Variants in PLIN2 observed in about 807,000 individuals in gnomAD.
The protein encoded by PLIN2 is perilipin-2.
PLIN2 carries 33 observed loss-of-function variants against 30.6 expected under a neutral mutation model. The ratio of observed to expected loss-of-function variants is 1.08; its 90% CI spans 0.82 to 1.44. PLIN2 has a LOEUF of 1.44. Among genes scored for constraint, PLIN2 ranks in the 40% most tolerant of loss-of-function variants. The probability of loss-of-function intolerance (pLI) is 0.00; values close to 1 mark genes in which losing one functional copy is unlikely to be tolerated. For synonymous variants in PLIN2, 205 were observed against 201.1 expected (o/e 1.02, Z -0.16); for missense variants, 610 against 531.8 (o/e 1.15, Z -1.45).
chr9:19,125,828 C>T, intron 3 of PLIN2: 1 of 259,592 alleles, frequency 3.9e-6, no homozygotes, highest in Admixed American at 5.0e-5. Context: ...GAGGCTGAGG[C>T]AGGAGAATCA....
At chr9:19,110,414 C>T (rs541392840) in intron 2 of PLIN2, among the ~76,000 whole-genome samples, 1 of 152,244 alleles carries the variant, frequency 6.6e-6, no homozygotes, top group South Asian at 2.1e-4. Context: ...GTGCTTAATG[C>T]CACATAATTG....
At chr9:19,115,310 CT>C (rs796763566), downstream of PLIN2, among the ~76,000 whole-genome samples, 237 of 137,752 alleles carry the variant, frequency 1.7e-3, 1 homozygote, top group Middle Eastern at 7.6e-3. Context: ...ATTTTCTTTT[CT>C]TTTTTTTTTT....
At position 19,121,141 on chromosome 9, in the gene PLIN2, C is replaced by T; in HGVS notation, c.334G>A (p.Val112Met). ...TQIVANAKGA[V>M]TGAKDAVTTT... ...GTCACAGCATCTTTTGCCCCAGTCA[C>T]AGCGCCTTTGGCATTGGCAACAATC... Residue 112 changes from valine to methionine, a missense_variant, in exon 5 of 8, where the codon GTG (valine) becomes ATG (methionine). Transcript: ENST00000276914. 15 of 1,614,122 alleles carry T rather than the reference C, an allele frequency of 9.3e-6. No homozygotes were observed. Among genetic ancestry groups the T allele is most frequent in the Non-Finnish European group, 1.2e-5 (14 of 1,180,012 alleles).
At chr9:19,126,714 T>C (rs1268842239) in intron 1 of PLIN2, among the ~76,000 whole-genome samples, 1 of 152,198 alleles carries the variant, frequency 6.6e-6, no homozygotes, top group Non-Finnish European at 1.5e-5. Context: ...GTTGTTGACA[T>C]ACTTCTCTTG....
Position 19,123,642 on chromosome 9 carries a change from C to T in PLIN2, c.232G>A (p.Val78Ile). 1 of 1,612,866 alleles carries T rather than the reference C, an allele frequency of 6.2e-7. No homozygotes were observed. The highest frequency in any genetic ancestry group is 8.5e-7 in the Non-Finnish European group (1 of 1,179,006). ...CCCTTACAGGCATAGGTATTGGCAACTGCAACTAGAATCACAAATGGGAAA... is the reference window on the plus strand; with the variant it reads ...CCCTTACAGGCATAGGTATTGGCAATTGCAACTAGAATCACAAATGGGAAA... ...IIQKLEPQIAVANTYACKGLD... is the reference protein window; with the variant it reads ...IIQKLEPQIAIANTYACKGLD... The change falls in exon 4 of 8, where the codon GTT becomes ATT. Residue 78 changes from valine (V) to isoleucine (I), a missense_variant. By Grantham distance (29) the Val-to-Ile change is conservative. Transcript: ENST00000276914.
chr9:19,120,895 T>G lies in PLIN2; in HGVS notation c.580A>C (p.Thr194Pro). 1 of 1,613,652 alleles carries G rather than the reference T, an allele frequency of 6.2e-7. No homozygotes were observed. The highest frequency in any genetic ancestry group is 8.5e-7 in the Non-Finnish European group (1 of 1,179,534). ...ELLVEQYLPLTEEELEKEAKK... is the reference protein window; with the variant it reads ...ELLVEQYLPLPEEELEKEAKK... ...TTCCAGTTACCTAGTTCTTCCTCAG[T>G]GAGAGGGAGGTACTGTTCTACCAAC... Residue 194 changes from threonine (T) to proline (P), a missense_variant, in exon 5 of 8, where the codon ACT (threonine) becomes CCT (proline). Transcript: ENST00000276914.
In PLIN2 at chr9:19,126,397, CG is replaced by C; in HGVS notation, c.29del (p.Pro10ArgfsTer4). The C allele has an allele frequency of 6.2e-7, 1 of 1,613,852 alleles. No individual in the cohort carries two copies. The highest frequency in any genetic ancestry group is 8.5e-7 in the Non-Finnish European group (1 of 1,179,870). The stretch of plus-strand genomic sequence containing the variant: ...GACAAAGGCTACTCAAAATTCATAC[CG>C]GTTGTGGATCAACTGCAACGGATGC... MASVAVDPQ[P>X]SVVTRVVNLP... On this transcript the variant is annotated frameshift_variant and splice_region_variant, in exon 2 of 8. Coordinates refer to ENST00000276914, the MANE Select transcript of PLIN2 (RefSeq NM_001122.4). LOFTEE classifies it high-confidence loss of function.
At position 19,116,142 on chromosome 9, in the gene PLIN2, T is replaced by C. The variant is rs1818217619; in HGVS notation, c.*106A>G. The stretch of plus-strand genomic sequence containing the variant: ...AAACAACTACAATTGAGGGCCTTTA[T>C]ACTAGCTACTTGCTTCCCAATTTAG... On this transcript the variant is annotated 3_prime_UTR_variant, in exon 8 of 8. Coordinates refer to ENST00000276914, the MANE Select transcript of PLIN2 (RefSeq NM_001122.4). 1 of 1,095,750 alleles carries C rather than the reference T, an allele frequency of 9.1e-7. No homozygotes were observed. Among genetic ancestry groups the C allele is most frequent in the Non-Finnish European group, 1.3e-6 (1 of 770,096 alleles). 67.9% of individuals were successfully genotyped at this position (1,095,750 alleles called of 1,614,324 possible).
Position 19,121,168 on chromosome 9 carries a change from G to A in PLIN2, c.310-3C>T. ...GCGCCTTTGGCATTGGCAACAATCTGTAAGTAGAAAAGCAGATCCCCTGGC... is the reference window on the plus strand; with the variant it reads ...GCGCCTTTGGCATTGGCAACAATCTATAAGTAGAAAAGCAGATCCCCTGGC... On this transcript the variant is annotated splice_polypyrimidine_tract_variant and splice_region_variant and intron_variant, in intron 4 of 7. Transcript: ENST00000276914. 1.9e-6 allele frequency: 3 copies of A among 1,613,326 alleles called. No individual in the cohort carries two copies. The highest frequency in any genetic ancestry group is 8.5e-7 in the Non-Finnish European group (1 of 1,179,476).
Position 19,123,834 on chromosome 9 carries a change from C to A in PLIN2, c.227-187G>T, listed in dbSNP as rs62563650. Among the ~76,000 whole-genome samples the A allele has an allele frequency of 8.9e-3, 1,355 of 152,178 alleles. 5 individuals are homozygous for A. Among genetic ancestry groups the A allele is most frequent in the Middle Eastern group, 0.044 (13 of 294 alleles). The stretch of plus-strand genomic sequence containing the variant: ...AAGAGATCGAGACCATCCTGGCCAA[C>A]ATGGTGAAACCCCGTCTCTACTAAA... On this transcript the variant is annotated intron_variant, in intron 3 of 7. Coordinates refer to ENST00000276914, the MANE Select transcript of PLIN2 (RefSeq NM_001122.4).
chr9:19,116,259 T>C lies in PLIN2; in HGVS notation c.1303A>G (p.Lys435Glu). The C allele has an allele frequency of 1.3e-6, 2 of 1,593,290 alleles. No homozygotes were observed. The highest frequency in any genetic ancestry group is 1.7e-5 in the Admixed American group (1 of 58,202). ...TGATAGGGGCAGGTTTAATGAGTTT[T>C]ATGCTCAGATCGCTGGGTCTCCTGG... The part of the protein sequence containing the change: ...SSQETQRSEH[K>E]TH Residue 435 changes from lysine (K) to glutamate (E), a missense_variant, in exon 8 of 8, where the codon AAA becomes GAA. Coordinates refer to ENST00000276914, the MANE Select transcript of PLIN2 (RefSeq NM_001122.4).
intron 6 of PLIN2, 33 bp from the exon 7 acceptor site, chr9:19,118,488 C>T: frequency 6.3e-7 from 1 of 1,598,522 alleles, no homozygotes; most frequent in South Asian, 1.1e-5. Flanking sequence ...AAGGAACACA[C>T]AAGTCAGATA....
intron 7 of PLIN2, 28 bp downstream of exon 7, chr9:19,118,293 C>T (rs768281594): frequency 6.4e-7 from 1 of 1,570,316 alleles, no homozygotes; most frequent in East Asian, 2.3e-5. Flanking sequence ...CTTCAGCAAC[C>T]AACAAATGAC....
chr9:19,126,183 C>G lies in PLIN2; in HGVS notation c.157G>C (p.Gly53Arg), dbSNP rs755296477. 3.7e-6 allele frequency: 6 copies of G among 1,614,014 alleles called. No homozygotes were observed. Among genetic ancestry groups the G allele is most frequent in the Admixed American group, 3.3e-5 (2 of 59,998 alleles). Residue 53 changes from glycine (G) to arginine (R), a missense_variant, in exon 3 of 8, where the codon GGT (glycine) becomes CGT (arginine). Physicochemically the swap from Gly to Arg is moderately radical, Grantham distance 125. Coordinates refer to ENST00000276914, the MANE Select transcript of PLIN2 (RefSeq NM_001122.4). The part of the protein sequence containing the change: ...LKSVCEMAEN[G>R]VKTITSVAMT... ...GCCACGGAGGTGATGGTCTTCACAC[C>G]GTTCTCTGCCATCTCACACACAGAC...
rs182894266 is a variant in PLIN2, at chr9:19,126,504, C to G, written c.-22-56G>C. 5.7e-3 allele frequency: 6,556 copies of G among 1,146,510 alleles called. 23 individuals are homozygous for G. The highest frequency in any genetic ancestry group is 7.5e-3 in the Non-Finnish European group (5,748 of 767,028). The allele number at this position is 1,146,510 out of a possible 1,614,324, so 71.0% of individuals were successfully genotyped here. ...GGGATAAGACTCTCCCAAATTCATTCCCCAACCCAAGCAAATGCTGATTAC... is the reference window on the plus strand; with the variant it reads ...GGGATAAGACTCTCCCAAATTCATTGCCCAACCCAAGCAAATGCTGATTAC... On this transcript the variant is annotated intron_variant, in intron 1 of 7. Coordinates refer to ENST00000276914, the MANE Select transcript of PLIN2 (RefSeq NM_001122.4).
downstream of PLIN2, among the ~76,000 whole-genome samples, chr9:19,113,119 G>A (rs1361307847): frequency 6.6e-6 from 1 of 152,102 alleles, no homozygotes; most frequent in African/African-American, 2.4e-5. Context: ...GAAGCGGGCA[G>A]ATCACTTGAG....
chr9:19,116,444 G>A lies in PLIN2; in HGVS notation c.1118C>T (p.Ser373Phe), dbSNP rs1818225107. The A allele has an allele frequency of 1.2e-6, 2 of 1,614,166 alleles. No homozygotes were observed. Among genetic ancestry groups the A allele is most frequent in the East Asian group, 4.5e-5 (2 of 44,886 alleles). The change falls in exon 8 of 8, where the codon TCT (serine) becomes TTT (phenylalanine). Residue 373 changes from serine to phenylalanine, a missense_variant. By Grantham distance (155) the Ser-to-Phe change is radical (BLOSUM62 -2). Coordinates refer to ENST00000276914, the MANE Select transcript of PLIN2 (RefSeq NM_001122.4). ...FKEVSDSLLTSSKGQLQKMKE... is the reference protein window; with the variant it reads ...FKEVSDSLLTFSKGQLQKMKE... ...CATTTTCTGCAGCTGCCCCTTGCTA[G>A]AAGTGAGGAGGCTGTCAGACACTTC...
At chr9:19,126,721 C>T (rs1017010999) in intron 1 of PLIN2, among the ~76,000 whole-genome samples, 2 of 152,174 alleles carry the variant, frequency 1.3e-5, no homozygotes, top group Non-Finnish European at 2.9e-5. Context: ...ACATACTTCT[C>T]TTGTTTCTCC....
rs141675311 is a variant in PLIN2, at chr9:19,117,157, TTTC to T, written c.913-511_913-509del. 8.2e-3 allele frequency among the ~76,000 whole-genome samples: 1,254 copies of T among 152,202 alleles called. 5 individuals carry two copies. Among genetic ancestry groups the T allele is most frequent in the Non-Finnish European group, 0.013 (916 of 68,004 alleles). On this transcript the variant is annotated intron_variant, in intron 7 of 7. Transcript: ENST00000276914. The stretch of plus-strand genomic sequence containing the variant: ...TTTTCTTTCTTTCTTCTTTCTTTCT[TTTC>T]TTTTCTTTCTTTCTTTCTGAGACAG...
Sources: allele counts gnomAD v4.1 joint callset (sites outside exome capture counted in the v4.1 genomes callset), GRCh38; gene constraint gnomAD v4.1.1; transcripts MANE v1.5; gene names NCBI Gene and HGNC (gene_info 2026-07-23, HGNC 2026-07-21).